Variants in RGS9 observed in about 807,000 individuals in gnomAD.
RGS9 encodes the protein regulator of G-protein signalling 9.
In RGS9, 78 loss-of-function variants were observed where a neutral mutation model predicts 102.0. The ratio of observed to expected loss-of-function variants is 0.76; its 90% CI spans 0.64 to 0.92. The LOEUF is 0.92. Ranked by LOEUF, RGS9 falls within the 40% of genes least tolerant of loss-of-function variation. The pLI, the probability that RGS9 is intolerant of heterozygous loss-of-function variation, is 0.00. For synonymous variants in RGS9, 353 were observed against 318.6 expected (o/e 1.11, Z -1.15); for missense variants, 833 against 866.1 (o/e 0.96, Z 0.48).
At chr17:65,163,156 TTTTA>T (rs1911051759) in intron 7 of RGS9, 67 bp downstream of exon 7, 4 of 717,864 alleles carry the variant, frequency 5.6e-6, no homozygotes, top group Non-Finnish European at 8.8e-6. Flanking sequence ...CTTTGTTTCT[TTTTA>T]TTTATTTTAT....
At position 65,225,244 on chromosome 17, in the gene RGS9, G is replaced by A. The variant is rs753548698; in HGVS notation, c.1650G>A (p.Gly550=). ...GECSGSMAPR[G]PSVTESSEAS... is the part of the protein sequence containing the mutation. ...GCAGCGGGTCCATGGCCCCCCGTGGGCCCTCTGTCACCGAGAGCAGCGAGG... is the reference window on the plus strand; with the variant it reads ...GCAGCGGGTCCATGGCCCCCCGTGGACCCTCTGTCACCGAGAGCAGCGAGG... Residue 550 remains glycine (G), a synonymous_variant, in exon 18 of 19, where the codon GGG becomes GGA. Transcript: ENST00000262406. 6.2e-6 allele frequency: 10 copies of A among 1,610,286 alleles called. No individual in the cohort carries two copies. The South Asian group carries it at 1.1e-4, about 18-fold the overall frequency.
chr17:65,223,752 CTTT>C (rs528795738), intron 17 of RGS9, among the ~76,000 whole-genome samples: 5 of 137,584 alleles, frequency 3.6e-5, no homozygotes, highest in Non-Finnish European at 3.2e-5. Flanking sequence ...TCATGCCAGG[CTTT>C]TTTTTTTTTT....
chr17:65,199,234 A>G (rs1244998879), intron 13 of RGS9, among the ~76,000 whole-genome samples: 1 of 152,196 alleles, frequency 6.6e-6, no homozygotes, highest in Non-Finnish European at 1.5e-5. Context: ...TTGTGCAACC[A>G]TCATCACTAA....
At chr17:65,161,413 G>A (rs1008776196) in intron 6 of RGS9, among the ~76,000 whole-genome samples, 1 of 152,014 alleles carries the variant, frequency 6.6e-6, no homozygotes, top group Non-Finnish European at 1.5e-5. Context: ...CACCACGCCT[G>A]GCTAATTTTT....
At chr17:65,142,717 G>C (rs1567856591) in intron 1 of RGS9, among the ~76,000 whole-genome samples, 1 of 151,738 alleles carries the variant, frequency 6.6e-6, no homozygotes, top group Non-Finnish European at 1.5e-5. Context: ...CAAGTAGCTG[G>C]GGATACTGGG....
intron 15 of RGS9, among the ~76,000 whole-genome samples, chr17:65,205,865 T>A (rs1163565774): frequency 9.9e-5 from 15 of 151,960 alleles, no homozygotes; most frequent in Non-Finnish European, 1.5e-5. Context: ...ATATAGATTA[T>A]GTGGTATCAG....
intron 16 of RGS9, among the ~76,000 whole-genome samples, chr17:65,209,522 C>CCACTGCT (rs1417668078): frequency 1.3e-5 from 2 of 152,246 alleles, no homozygotes; most frequent in Non-Finnish European, 2.9e-5. Flanking sequence ...CAGGTGGGCT[C>CCACTGCT]CACTGCTCAC....
At position 65,186,335 on chromosome 17, in the gene RGS9, C is replaced by T. The variant is rs374499641; in HGVS notation, c.655-2951C>T. Among the ~76,000 whole-genome samples, 19 of 151,956 alleles carry T rather than the reference C, an allele frequency of 1.3e-4. No homozygotes were observed. In the East Asian group the frequency reaches 3.7e-3, roughly 29 times the overall value. ...GGTCAGTCCCGCCTCCACCCCACCC[C>T]CCACCAAGTAACTGGGATTACAGGT... is the stretch of plus-strand genomic sequence containing the variant. On this transcript the variant is annotated intron_variant, in intron 9 of 18. Coordinates refer to ENST00000262406, the MANE Select transcript of RGS9 (RefSeq NM_003835.4).
intron 12 of RGS9, among the ~76,000 whole-genome samples, chr17:65,194,363 C>T (rs191871808): frequency 3.3e-5 from 5 of 152,180 alleles, no homozygotes; most frequent in East Asian, 3.9e-4. Flanking sequence ...TATGAACATT[C>T]GTGGGCAGGT....
chr17:65,203,868 CT>C (rs202224211), intron 14 of RGS9, among the ~76,000 whole-genome samples: 1 of 152,196 alleles, frequency 6.6e-6, no homozygotes, highest in East Asian at 1.9e-4. Context: ...GTTCTTCACC[CT>C]CATGGCCAGG....
In RGS9 at chr17:65,178,342, C is replaced by T. The variant is rs898646833; in HGVS notation, c.654+539C>T. 3.3e-5 allele frequency among the ~76,000 whole-genome samples: 5 copies of T among 152,108 alleles called. No individual in the cohort carries two copies. In the South Asian group the frequency reaches 6.2e-4, roughly 19 times the overall value. On this transcript the variant is annotated intron_variant, in intron 9 of 18. Transcript: ENST00000262406. ...AAGCAGGTTTCATTAAAAAAAAATA[C>T]CTTTCCTCAAATAGGCCATCTTTCA...
At position 65,183,134 on chromosome 17, in the gene RGS9, A is replaced by G. The variant is rs116399654; in HGVS notation, c.654+5331A>G. Among the ~76,000 whole-genome samples, 556 of 151,914 alleles carry G rather than the reference A, an allele frequency of 3.7e-3. 5 individuals are homozygous for G. The highest frequency in any genetic ancestry group is 0.012 in the African/African-American group (505 of 41,406). On this transcript the variant is annotated intron_variant, in intron 9 of 18. Transcript: ENST00000262406. ...TACCTACCTACCTACATACCTATCT[A>G]TCTATTTTGAGACAGTCTTGCTCTG...
chr17:65,174,608 TG>T (rs56262670), intron 8 of RGS9, among the ~76,000 whole-genome samples: 12,605 of 152,098 alleles, frequency 0.083, 598 homozygotes, highest in Middle Eastern at 0.13. Context: ...TGCCTAGGTT[TG>T]TGCATGCATG....
chr17:65,143,221 A>G (rs1335309354), intron 1 of RGS9, among the ~76,000 whole-genome samples: 1 of 152,102 alleles, frequency 6.6e-6, no homozygotes, highest in Non-Finnish European at 1.5e-5. Context: ...TAAACATCCT[A>G]CAACACACAG....
Position 65,160,131 on chromosome 17 carries a change from G to A in RGS9, c.206-102G>A. On this transcript the variant is annotated intron_variant, in intron 3 of 18. Coordinates refer to ENST00000262406, the MANE Select transcript of RGS9 (RefSeq NM_003835.4). ...CTGCTCATGAGATGCAGTGCTGTTAGGAAGGGGCACCTGTCCTGGAGTTTG... is the reference window on the plus strand; with the variant it reads ...CTGCTCATGAGATGCAGTGCTGTTAAGAAGGGGCACCTGTCCTGGAGTTTG... 5 of 886,682 alleles carry A rather than the reference G, an allele frequency of 5.6e-6. 1 individual carries two copies. In the South Asian group the frequency reaches 6.6e-5, roughly 12 times the overall value. 54.9% of individuals were successfully genotyped at this position (886,682 alleles called of 1,614,324 possible). A position where few individuals can be genotyped will look rare whatever the true frequency, so the allele number is the denominator to read the frequency against.
At chr17:65,168,365 C>T in intron 8 of RGS9, 84 bp downstream of exon 8, 1 of 926,666 alleles carries the variant, frequency 1.1e-6, no homozygotes, top group East Asian at 2.7e-5. Context: ...GTTGCCAACT[C>T]CTCTTTCTCT....
chr17:65,152,369 T>C (rs1910611483), intron 1 of RGS9, among the ~76,000 whole-genome samples: 1 of 152,150 alleles, frequency 6.6e-6, no homozygotes, highest in East Asian at 1.9e-4. Flanking sequence ...CCCGAACATG[T>C]AGACCAGTAG....
intron 17 of RGS9, 55 bp from the exon 18 acceptor site, chr17:65,224,947 T>C: frequency 6.2e-7 from 1 of 1,608,536 alleles, no homozygotes. Context: ...CCAGGGGCCC[T>C]GCTGGCTGGG....
At chr17:65,218,415 G>A (rs1405877557) in intron 17 of RGS9, among the ~76,000 whole-genome samples, 1 of 152,240 alleles carries the variant, frequency 6.6e-6, no homozygotes, top group Non-Finnish European at 1.5e-5. Context: ...CTGTCTTGTG[G>A]TTCCAGGAAT....
Sources: allele counts gnomAD v4.1 joint callset (sites outside exome capture counted in the v4.1 genomes callset), GRCh38; gene constraint gnomAD v4.1.1; transcripts MANE v1.5; gene names NCBI Gene and HGNC (gene_info 2026-07-23, HGNC 2026-07-21).